Variants in MREG observed in about 807,000 individuals in gnomAD.
MREG encodes melanoregulin.
MREG carries 31 observed loss-of-function variants against 28.5 expected under a neutral mutation model. That is an observed-to-expected ratio of 1.09 (90% confidence interval 0.82 to 1.47). The LOEUF (loss-of-function observed/expected upper bound fraction) is 1.47, where lower values mean the gene tolerates loss of function less well. MREG is among the 40% of genes most tolerant of loss of function. The pLI, the probability that MREG is intolerant of heterozygous loss-of-function variation, is 0.00. For missense variants in MREG, 256 were observed against 257.4 expected, an observed-to-expected ratio of 0.99 and a Z score of 0.04; for synonymous variants, 106 against 95.2, an observed-to-expected ratio of 1.11 and a Z score of -0.66.
At chr2:216,007,307 G>A (rs575887913) in intron 1 of MREG, among the ~76,000 whole-genome samples, 16 of 152,232 alleles carry the variant, frequency 1.1e-4, no homozygotes, top group African/African-American at 3.1e-4. Flanking sequence ...TGCCTGAGAC[G>A]CACAGCCCCA....
intron 2 of MREG, among the ~76,000 whole-genome samples, chr2:215,963,906 T>C (rs1395741224): frequency 7.2e-5 from 11 of 152,162 alleles, no homozygotes; most frequent in Admixed American, 7.2e-4. Flanking sequence ...AAAAGATAAA[T>C]ACATTTGACT....
At chr2:216,031,842 C>T (rs368577386) in intron 1 of MREG, among the ~76,000 whole-genome samples, 5 of 152,194 alleles carry the variant, frequency 3.3e-5, no homozygotes, top group African/African-American at 9.7e-5. Context: ...AGCTAAATCT[C>T]GCAGCAAGTC....
At chr2:215,939,881 T>C (rs1343884363), downstream of MREG, among the ~76,000 whole-genome samples, 1 of 150,640 alleles carries the variant, frequency 6.6e-6, no homozygotes, top group African/African-American at 2.4e-5. Context: ...TAAAAATGTT[T>C]AAAATAAATT....
chr2:215,993,409 C>G (rs1036637462), intron 2 of MREG, among the ~76,000 whole-genome samples: 1 of 152,156 alleles, frequency 6.6e-6, no homozygotes, highest in Non-Finnish European at 1.5e-5. Context: ...ATACCTTACA[C>G]AAAAATTAAC....
chr2:216,021,080 T>C (rs1694513184), intron 1 of MREG, among the ~76,000 whole-genome samples: 1 of 152,320 alleles, frequency 6.6e-6, no homozygotes, highest in African/African-American at 2.4e-5. Context: ...TCTTGGACCC[T>C]ATTTGACATC....
upstream of MREG, among the ~76,000 whole-genome samples, chr2:216,014,641 TC>T (rs1392453547): frequency 7.2e-6 from 1 of 139,118 alleles, no homozygotes; most frequent in Non-Finnish European, 1.5e-5. Flanking sequence ...AGAGCAAGAC[TC>T]CGTCTCAAAA....
chr2:216,031,695 A>AAGAAAG (rs1559204169), intron 1 of MREG, among the ~76,000 whole-genome samples: 26 of 107,042 alleles, frequency 2.4e-4, no homozygotes, highest in South Asian at 1.2e-3. Context: ...AAGAAAGAGA[A>AAGAAAG]AGAAAGAAAG....
At chr2:215,986,174 T>A (rs1170134315) in intron 2 of MREG, among the ~76,000 whole-genome samples, 1 of 152,246 alleles carries the variant, frequency 6.6e-6, no homozygotes, top group Admixed American at 6.5e-5. Context: ...TTAAGCTATC[T>A]CCTACTGGAA....
intron 2 of MREG, among the ~76,000 whole-genome samples, chr2:215,993,491 C>A (rs887125560): frequency 1.4e-4 from 22 of 152,102 alleles, no homozygotes; most frequent in African/African-American, 5.3e-4. Flanking sequence ...TAGGCAATAC[C>A]ATTCAGGACA....
At chr2:216,027,248 G>A (rs1397696031) in intron 1 of MREG, among the ~76,000 whole-genome samples, 1 of 152,194 alleles carries the variant, frequency 6.6e-6, no homozygotes, top group African/African-American at 2.4e-5. Flanking sequence ...AAACAATGGT[G>A]TGAATATACT....
At chr2:215,950,217 T>C (rs1192188861) in intron 2 of MREG, among the ~76,000 whole-genome samples, 1 of 152,254 alleles carries the variant, frequency 6.6e-6, no homozygotes, top group Non-Finnish European at 1.5e-5. Flanking sequence ...CTTAGGCTGA[T>C]GTCTTAGGCC....
At chr2:215,978,734 C>G (rs1195191178) in intron 2 of MREG, among the ~76,000 whole-genome samples, 1 of 152,212 alleles carries the variant, frequency 6.6e-6, no homozygotes, top group Non-Finnish European at 1.5e-5. Context: ...TCAGCATACT[C>G]AAATCAATAA....
chr2:215,953,915 A>C (rs908518900), intron 2 of MREG, among the ~76,000 whole-genome samples: 19 of 152,248 alleles, frequency 1.2e-4, no homozygotes, highest in African/African-American at 4.1e-4. Context: ...AAAAATTTTC[A>C]GTGCATAGAT....
intron 2 of MREG, among the ~76,000 whole-genome samples, chr2:215,963,603 C>T (rs1692859918): frequency 6.6e-6 from 1 of 151,850 alleles, no homozygotes; most frequent in Admixed American, 6.6e-5. Flanking sequence ...ACTTATATGA[C>T]TTGCATTGTA....
At chr2:215,979,473 T>A (rs55793295) in intron 2 of MREG, among the ~76,000 whole-genome samples, 3,938 of 81,162 alleles carry the variant, frequency 0.049, 132 homozygotes, top group African/African-American at 0.15. Context: ...CAAAAAATAA[T>A]AATAATAATA....
Position 216,013,300 on chromosome 2 carries a change from C to T in MREG, c.28G>A (p.Val10Met). 6.5e-7 allele frequency: 1 copy of T among 1,549,314 alleles called. No individual in the cohort carries two copies. The change falls in exon 1 of 5, where the codon GTG becomes ATG. Residue 10 changes from valine to methionine, a missense_variant. Val to Met is a conservative substitution (Grantham distance 21). Transcript: ENST00000263268. MGLRDWLRT[V>M]CCCCGCECLE... Reference sequence around the variant, plus strand: ...CACTCGCACCCGCAGCAGCAGCACACGGTTCTCAGCCAGTCCCTCAGCCCC... The same window carrying T: ...CACTCGCACCCGCAGCAGCAGCACATGGTTCTCAGCCAGTCCCTCAGCCCC...
At chr2:216,007,866 G>A (rs1395256545) in intron 1 of MREG, among the ~76,000 whole-genome samples, 1 of 152,034 alleles carries the variant, frequency 6.6e-6, no homozygotes, top group Non-Finnish European at 1.5e-5. Context: ...GATATAGGGT[G>A]TTGGCCATGA....
chr2:215,958,907 G>T (rs573975406), intron 2 of MREG, among the ~76,000 whole-genome samples: 1 of 152,236 alleles, frequency 6.6e-6, no homozygotes. Flanking sequence ...GAGTGCCATG[G>T]GTAGTAAGTC....
At chr2:216,029,344 G>A (rs897584718) in intron 1 of MREG, among the ~76,000 whole-genome samples, 1 of 152,186 alleles carries the variant, frequency 6.6e-6, no homozygotes, top group African/African-American at 2.4e-5. Context: ...TGGGCGTGGT[G>A]GCGCGCTTCT....
Sources: gnomAD v4.1 joint callset for allele counts (sites outside exome capture counted in the v4.1 genomes callset) on GRCh38, gnomAD v4.1.1 for gene constraint, MANE v1.5 for transcripts, NCBI Gene and HGNC (gene_info 2026-07-23, HGNC 2026-07-21) for gene names.